IL36B: variants seen among roughly 807,000 people sequenced by gnomAD.
The protein encoded by IL36B is interleukin 36 beta.
A neutral mutation model predicts 19.3 loss-of-function variants in IL36B; 23 were observed. That is an observed-to-expected ratio of 1.19 (90% confidence interval 0.86 to 1.69). The LOEUF is 1.69. Ranked by LOEUF, IL36B falls within the 40% of genes most tolerant of loss-of-function variation. The pLI is 0.00. For synonymous variants in IL36B, 59 were observed against 59.7 expected (o/e 0.99, Z 0.05); for missense variants, 217 against 200.5 (o/e 1.08, Z -0.50).
intron 1 of IL36B, among the ~76,000 whole-genome samples, chr2:113,044,207 A>C (rs1685307023): frequency 1.3e-5 from 2 of 151,406 alleles, no homozygotes; most frequent in Non-Finnish European, 2.9e-5. Context: ...TAAACTTCTT[A>C]TCCTTGGCAA....
intron 1 of IL36B, among the ~76,000 whole-genome samples, chr2:113,045,985 C>T (rs747899936): frequency 1.3e-5 from 2 of 152,214 alleles, no homozygotes; most frequent in African/African-American, 2.4e-5. Flanking sequence ...TTCTTGTAAG[C>T]GTTGGATGTC....
chr2:113,028,132 G>A lies in IL36B; in HGVS notation c.261+807C>T. 1 of 1,608,708 alleles carries A rather than the reference G, an allele frequency of 6.2e-7. No homozygotes were observed. Among genetic ancestry groups the A allele is most frequent in the Non-Finnish European group, 8.5e-7 (1 of 1,175,394 alleles). ...ATTTTTTTCCTGGGGGTGGAAAAGA[G>A]GCTTGTTAGAGAGGAGGATAGGAGG... On this transcript the variant is annotated intron_variant, in intron 4 of 5. Coordinates refer to ENST00000259213, the MANE Select transcript of IL36B (RefSeq NM_014438.5).
chr2:113,028,891 G>A, intron 4 of IL36B, 48 bp downstream of exon 4: 1 of 1,572,934 alleles, frequency 6.4e-7, no homozygotes, highest in Non-Finnish European at 8.6e-7. Context: ...AAATGAAATA[G>A]AAAGTCCATA....
rs202178833 is a variant in IL36B, at chr2:113,032,754, GC to G, written c.-57-989del. Among the ~76,000 whole-genome samples, 429 of 152,276 alleles carry G rather than the reference GC, an allele frequency of 2.8e-3. 4 individuals are homozygous for G. Among genetic ancestry groups the G allele is most frequent in the African/African-American group, 9.8e-3 (406 of 41,540 alleles). ...TGAAAAGCTGGTCCAGGACTCCCAG[GC>G]CCCTTAATGACCAAGGAAAGAGCAT... On this transcript the variant is annotated intron_variant, in intron 1 of 5. Transcript: ENST00000259213.
chr2:113,024,616 TCTC>T (rs1195071715), intron 5 of IL36B, among the ~76,000 whole-genome samples: 3 of 152,202 alleles, frequency 2.0e-5, no homozygotes, highest in Non-Finnish European at 4.4e-5. Context: ...TTCTGTGGTT[TCTC>T]CTCCTCTTCT....
At chr2:113,024,081 C>T (rs1165658253) in intron 5 of IL36B, among the ~76,000 whole-genome samples, 2 of 152,114 alleles carry the variant, frequency 1.3e-5, no homozygotes, top group Non-Finnish European at 2.9e-5. Flanking sequence ...CTGAAATGGA[C>T]GTGCATTCAT....
At chr2:113,042,306 G>T (rs559732432) in intron 1 of IL36B, among the ~76,000 whole-genome samples, 1 of 152,206 alleles carries the variant, frequency 6.6e-6, no homozygotes, top group East Asian at 1.9e-4. Context: ...TGCACTCAGG[G>T]TTTGAAAAAA....
chr2:113,033,966 T>A (rs1685124201), intron 1 of IL36B, among the ~76,000 whole-genome samples: 1 of 152,226 alleles, frequency 6.6e-6, no homozygotes, highest in South Asian at 2.1e-4. Context: ...ATTGACTCTA[T>A]CTTCTGGAGC....
At position 113,022,160 on chromosome 2, in the gene IL36B, T is replaced by G. The variant is rs1248566226; in HGVS notation, c.*514A>C. The G allele has an allele frequency of 1.3e-5, 2 of 152,246 alleles. No individual in the cohort carries two copies. The highest frequency in any genetic ancestry group is 4.8e-5 in the African/African-American group (2 of 41,462). 9.4% of individuals were successfully genotyped at this position (152,246 alleles called of 1,614,324 possible). ...TTTTTAAGAAGAAATGTCTTTCAAT[T>G]ACTTTTAATTGTATGTGTTCCTTTT... On this transcript the variant is annotated 3_prime_UTR_variant, in exon 6 of 6. Transcript: ENST00000259213.
rs1685299681 is a variant in IL36B at position 113,043,736 on chromosome 2, T to A, written c.-58+9081A>T. Among the ~76,000 whole-genome samples the A allele has an allele frequency of 1.3e-5, 2 of 152,278 alleles. 1 individual carries two copies. Among genetic ancestry groups the A allele is most frequent in the East Asian group, 3.9e-4 (2 of 5,188 alleles). On this transcript the variant is annotated intron_variant, in intron 1 of 5. Coordinates refer to ENST00000259213, the MANE Select transcript of IL36B (RefSeq NM_014438.5). ...ACCCAGCTAACTTTTGTATTTTTAG[T>A]AGAGAAGGGGTTTCACCATGTTGGC...
At chr2:113,031,231 T>A (rs554938204) in intron 2 of IL36B, 76 bp from the exon 3 acceptor site, 2 of 977,770 alleles carry the variant, frequency 2.0e-6, no homozygotes, top group Admixed American at 1.8e-5. Flanking sequence ...CTGGTATTAA[T>A]GGCTTTTGAG....
At chr2:113,049,683 G>T (rs1315907456) in intron 1 of IL36B, among the ~76,000 whole-genome samples, 1 of 152,200 alleles carries the variant, frequency 6.6e-6, no homozygotes, top group African/African-American at 2.4e-5. Flanking sequence ...GGTGGGGCGT[G>T]ATGGCTTATG....
At chr2:113,048,148 G>T (rs1685379308) in intron 1 of IL36B, among the ~76,000 whole-genome samples, 1 of 152,302 alleles carries the variant, frequency 6.6e-6, no homozygotes, top group African/African-American at 2.4e-5. Flanking sequence ...ACAGTTTAAA[G>T]GTAAGAAGGT....
At chr2:113,037,542 G>A (rs1429384916) in intron 1 of IL36B, among the ~76,000 whole-genome samples, 11 of 152,024 alleles carry the variant, frequency 7.2e-5, no homozygotes, top group East Asian at 1.9e-4. Flanking sequence ...CCAGCTACTC[G>A]GGAGGCTGAA....
At chr2:113,050,361 C>T (rs575476875) in intron 1 of IL36B, among the ~76,000 whole-genome samples, 3 of 151,472 alleles carry the variant, frequency 2.0e-5, no homozygotes, top group South Asian at 4.2e-4. Context: ...AAAAAAAATA[C>T]CGTGTAATTC....
chr2:113,036,973 C>T (rs1685177180), intron 1 of IL36B, among the ~76,000 whole-genome samples: 1 of 152,260 alleles, frequency 6.6e-6, no homozygotes, highest in South Asian at 2.1e-4. Flanking sequence ...AATAGAGTCA[C>T]AGTAACTGTG....
At chr2:113,028,660 A>C (rs1230684173) in intron 4 of IL36B, among the ~76,000 whole-genome samples, 2 of 152,210 alleles carry the variant, frequency 1.3e-5, no homozygotes, top group African/African-American at 4.8e-5. Context: ...GCAGTTAAAC[A>C]GGACCGAGAA....
chr2:113,051,271 C>T (rs1023071259), intron 1 of IL36B, among the ~76,000 whole-genome samples: 10 of 152,210 alleles, frequency 6.6e-5, no homozygotes, highest in African/African-American at 2.2e-4. Context: ...CCGGCGGAGG[C>T]GAGTCCGCAG....
intron 1 of IL36B, among the ~76,000 whole-genome samples, chr2:113,039,762 AC>A (rs746372075): frequency 1.3e-5 from 2 of 152,196 alleles, no homozygotes; most frequent in Non-Finnish European, 2.9e-5. Context: ...ATTAAAAGAG[AC>A]CTTCTTAAAA....
Sources: allele counts gnomAD v4.1 joint callset (sites outside exome capture counted in the v4.1 genomes callset), GRCh38; gene constraint gnomAD v4.1.1; transcripts MANE v1.5; gene names NCBI Gene and HGNC (gene_info 2026-07-23, HGNC 2026-07-21).